Variants in LIN9 observed in about 807,000 individuals in gnomAD.
LIN9 encodes protein lin-9 homolog.
A neutral mutation model predicts 78.0 loss-of-function variants in LIN9; 18 were observed. That is an observed-to-expected ratio of 0.23 (90% CI 0.16 to 0.34). The LOEUF is 0.34. LIN9 is among the 10% of genes least tolerant of loss of function. The pLI is 1.00. For missense variants in LIN9, 451 were observed against 644.1 expected, an observed-to-expected ratio of 0.70 and a Z score of 3.25; for synonymous variants, 192 against 215.2, an observed-to-expected ratio of 0.89 and a Z score of 0.94.
chr1:226,267,360 T>C (rs1230662404), intron 8 of LIN9, among the ~76,000 whole-genome samples: 1 of 57,328 alleles, frequency 1.7e-5, no homozygotes, highest in Non-Finnish European at 3.5e-5. Flanking sequence ...TAGGCAGAGG[T>C]TGCAGTGAGC....
chr1:226,270,205 C>T (rs977432610), intron 7 of LIN9, among the ~76,000 whole-genome samples: 3 of 152,016 alleles, frequency 2.0e-5, no homozygotes, highest in Non-Finnish European at 4.4e-5. Context: ...GGATTACAGG[C>T]GTGAGCCACC....
chr1:226,256,045 AG>A (rs1235385261), intron 10 of LIN9, among the ~76,000 whole-genome samples: 2 of 152,016 alleles, frequency 1.3e-5, no homozygotes, highest in Non-Finnish European at 2.9e-5. Flanking sequence ...AAAAACCTCT[AG>A]ATTTACACAT....
At chr1:226,262,546 G>A (rs1576308066) in intron 10 of LIN9, among the ~76,000 whole-genome samples, 1 of 152,136 alleles carries the variant, frequency 6.6e-6, no homozygotes, top group Non-Finnish European at 1.5e-5. Context: ...ATGAGGAAAT[G>A]TATATGTCAT....
Position 226,265,552 on chromosome 1 carries a change from A to G in LIN9, c.1019T>C (p.Val340Ala). The change falls in exon 10 of 15, where the codon GTA becomes GCA. Residue 340 changes from valine to alanine, a missense_variant. Coordinates refer to ENST00000681046, the MANE Select transcript of LIN9 (RefSeq NM_001366245.2). This position sits in a 1 kb window ranked among gnomAD's most constrained non-coding sequence, Gnocchi z 4.1. Reference sequence around the variant, plus strand: ...TCTTACCACTTGGATAAGAAATTCTACTGGAAAACCACCTAATGTTTCAGT... The same window carrying G: ...TCTTACCACTTGGATAAGAAATTCTGCTGGAAAACCACCTAATGTTTCAGT... Reference protein sequence around the residue: ...SDTETLGGFPVEFLIQVTRLS... With the variant: ...SDTETLGGFPAEFLIQVTRLS... 6.2e-7 allele frequency: 1 copy of G among 1,606,544 alleles called. No individual in the cohort carries two copies. Among genetic ancestry groups the G allele is most frequent in the Non-Finnish European group, 8.5e-7 (1 of 1,173,526 alleles).
rs533728875 is a variant in LIN9 at position 226,306,050 on chromosome 1, C to T, written c.31+3059G>A. 1.1e-4 allele frequency among the ~76,000 whole-genome samples: 16 copies of T among 152,160 alleles called. No homozygotes were observed. The South Asian group carries it at 2.3e-3, about 22-fold the overall frequency. Reference sequence around the variant, plus strand: ...TGAAAGGGAGGAAAGTGGCTGGGGGCGCGGTGGCTCACCCCTGTAATCCCA... The same window carrying T: ...TGAAAGGGAGGAAAGTGGCTGGGGGTGCGGTGGCTCACCCCTGTAATCCCA... On this transcript the variant is annotated intron_variant, in intron 1 of 14. Transcript: ENST00000681046.
intron 4 of LIN9, among the ~76,000 whole-genome samples, chr1:226,290,655 T>C (rs1244153961): frequency 1.3e-5 from 2 of 152,186 alleles, no homozygotes; most frequent in East Asian, 1.9e-4. Flanking sequence ...TATTTCTATA[T>C]ATCAGATTAG....
intron 11 of LIN9, among the ~76,000 whole-genome samples, chr1:226,250,132 T>C (rs1262978154): frequency 6.7e-6 from 1 of 149,856 alleles, no homozygotes; most frequent in Non-Finnish European, 1.5e-5. Flanking sequence ...ATTGCACCAT[T>C]GCACTCCAGC....
chr1:226,269,548 G>A (rs1660133030), intron 7 of LIN9, among the ~76,000 whole-genome samples: 1 of 152,162 alleles, frequency 6.6e-6, no homozygotes, highest in African/African-American at 2.4e-5. Flanking sequence ...CTTTGCACGA[G>A]GTTATTCACA....
intron 12 of LIN9, 94 bp from the exon 13 acceptor site, chr1:226,233,617 A>G: frequency 1.1e-6 from 1 of 930,048 alleles, no homozygotes; most frequent in Non-Finnish European, 1.5e-6. Flanking sequence ...TTTAATTTTT[A>G]TAAAACTAGC....
rs559460640 is a variant in LIN9, at chr1:226,260,628, GTTTTTTTTTTTTTTTTTT to G, written c.1038+4887_1038+4904del. Among the ~76,000 whole-genome samples the G allele has an allele frequency of 1.4e-3, 101 of 73,440 alleles. 1 individual carries two copies. Among genetic ancestry groups the G allele is most frequent in the Non-Finnish European group, 1.9e-3 (73 of 38,842 alleles). The allele number at this position is 73,440 out of a possible 152,430, so 48.2% of individuals were successfully genotyped here. ...AGAATTTAAGATCACGGCCAAATGAGTTTTTTTTTTTTTTTTTTTTTTTTTTTTTTTTTTGAGACAGTG... is the reference window on the plus strand; with the variant it reads ...AGAATTTAAGATCACGGCCAAATGAGTTTTTTTTTTTTTTTTGAGACAGTG... On this transcript the variant is annotated intron_variant, in intron 10 of 14. Coordinates refer to ENST00000681046, the MANE Select transcript of LIN9 (RefSeq NM_001366245.2).
chr1:226,275,304 T>C (rs969997836), intron 7 of LIN9, among the ~76,000 whole-genome samples: 3 of 152,228 alleles, frequency 2.0e-5, no homozygotes, highest in South Asian at 2.1e-4. Context: ...TCACAAACTA[T>C]GCATAAATAG....
At chr1:226,261,431 T>C (rs1300801114) in intron 10 of LIN9, among the ~76,000 whole-genome samples, 1 of 151,766 alleles carries the variant, frequency 6.6e-6, no homozygotes, top group African/African-American at 2.4e-5. Context: ...AATAAGTGAC[T>C]ACAGCAAAGT....
intron 1 of LIN9, among the ~76,000 whole-genome samples, chr1:226,303,637 A>G (rs1031614619): frequency 2.0e-5 from 3 of 151,248 alleles, no homozygotes; most frequent in African/African-American, 7.3e-5. Context: ...ATGGAGTCTC[A>G]CTCTGTCACC....
In LIN9 at chr1:226,234,724, C is replaced by G. The variant is rs955310090; in HGVS notation, c.1246-1201G>C. Among the ~76,000 whole-genome samples, 117 of 152,084 alleles carry G rather than the reference C, an allele frequency of 7.7e-4. 3 individuals carry two copies. The highest frequency in any genetic ancestry group is 3.3e-4 in the Admixed American group (5 of 15,252). On this transcript the variant is annotated intron_variant, in intron 12 of 14. Transcript: ENST00000681046. ...TTAGGGTGTCTTTGCTTTTGGCTCT[C>G]TCAGCAGACATATACACTCACTTAT...
At chr1:226,293,679 A>T (rs2102649110) in intron 4 of LIN9, among the ~76,000 whole-genome samples, 1 of 152,306 alleles carries the variant, frequency 6.6e-6, no homozygotes, top group East Asian at 1.9e-4. Flanking sequence ...TCCCAGGTTC[A>T]AGTAAGTAGC....
At chr1:226,262,626 T>G (rs1172914648) in intron 10 of LIN9, among the ~76,000 whole-genome samples, 1 of 152,164 alleles carries the variant, frequency 6.6e-6, no homozygotes, top group Admixed American at 6.5e-5. Flanking sequence ...TCCAGAACAC[T>G]GACAACACCA....
At chr1:226,263,778 C>T (rs1259213028) in intron 10 of LIN9, among the ~76,000 whole-genome samples, 1 of 152,246 alleles carries the variant, frequency 6.6e-6, no homozygotes, top group South Asian at 2.1e-4. Context: ...GGATAACTAA[C>T]AATATATCAT....
intron 4 of LIN9, among the ~76,000 whole-genome samples, chr1:226,288,599 T>C (rs1440738156): frequency 4.6e-5 from 7 of 152,086 alleles, no homozygotes; most frequent in African/African-American, 1.7e-4. Context: ...AAAACCATGA[T>C]TCAAAAAAAT....
chr1:226,290,842 C>T (rs1220759863), intron 4 of LIN9, among the ~76,000 whole-genome samples: 4 of 152,042 alleles, frequency 2.6e-5, no homozygotes, highest in African/African-American at 7.2e-5. Flanking sequence ...CTGCAGCCTT[C>T]GCCTCCCAGG....
Sources: gnomAD v4.1 joint callset for allele counts (sites outside exome capture counted in the v4.1 genomes callset) on GRCh38, gnomAD v4.1.1 for gene constraint, Gnocchi (gnomAD v3.1) non-coding constraint, MANE v1.5 for transcripts, NCBI Gene and HGNC (gene_info 2026-07-23, HGNC 2026-07-21) for gene names.